Variants in ARB2A observed in about 807,000 individuals in gnomAD.
ARB2A encodes the protein cotranscriptional regulator ARB2A.
chr5:93,853,360 G>A, the ARB2A span, among the ~76,000 whole-genome samples: 3 of 152,192 alleles, frequency 2.0e-5, no homozygotes, highest in South Asian at 4.1e-4. Flanking sequence ...ATTTTGGGCT[G>A]AGACAATGGA....
the ARB2A span, chr5:93,740,663 C>G: frequency 6.2e-7 from 1 of 1,613,790 alleles, no homozygotes; most frequent in African/African-American, 1.3e-5. Context: ...TGGGGGATAT[C>G]CACTGGGAGC....
the ARB2A span, among the ~76,000 whole-genome samples, chr5:93,826,449 T>C: frequency 2.6e-5 from 4 of 152,292 alleles, no homozygotes; most frequent in African/African-American, 9.6e-5. Context: ...AAGCCAACTA[T>C]TTAATGGTCA....
chr5:93,968,343 T>C, the ARB2A span, among the ~76,000 whole-genome samples: 4 of 152,044 alleles, frequency 2.6e-5, no homozygotes, highest in Non-Finnish European at 4.4e-5. Context: ...CAGGAACAGA[T>C]GGGTAATGTA....
At chr5:93,865,597 T>A in the ARB2A span, 1 of 985,374 alleles carries the variant, frequency 1.0e-6, no homozygotes, top group South Asian at 4.7e-5. Context: ...CGGAAACAAT[T>A]AGGACACTTG....
At chr5:93,769,938 C>T in the ARB2A span, among the ~76,000 whole-genome samples, 2 of 152,060 alleles carry the variant, frequency 1.3e-5, no homozygotes, top group Admixed American at 6.5e-5. Flanking sequence ...AAGAAATGGT[C>T]AGAGGAGAGC....
At chr5:93,646,661 A>T in the ARB2A span, among the ~76,000 whole-genome samples, 1 of 152,028 alleles carries the variant, frequency 6.6e-6, no homozygotes, top group Admixed American at 6.6e-5. Flanking sequence ...TCTTCTGGTT[A>T]GACTCTCAAG....
At chr5:94,002,200 A>G in the ARB2A span, among the ~76,000 whole-genome samples, 2 of 152,066 alleles carry the variant, frequency 1.3e-5, no homozygotes, top group African/African-American at 4.8e-5. Context: ...TAACTAATTT[A>G]CCCTGAGGGT....
chr5:93,857,661 T>C, the ARB2A span, among the ~76,000 whole-genome samples: 1 of 152,078 alleles, frequency 6.6e-6, no homozygotes, highest in Non-Finnish European at 1.5e-5. Context: ...AGGGTGGGAG[T>C]GACCCGATTT....
the ARB2A span, among the ~76,000 whole-genome samples, chr5:93,756,873 T>G: frequency 1 from 152,084 of 152,210 alleles, 75,979 homozygotes; most frequent in Middle Eastern, 1. Context: ...AAACCAAGGA[T>G]AAGTCCCTGA....
At chr5:93,949,269 C>T in the ARB2A span, among the ~76,000 whole-genome samples, 19 of 152,008 alleles carry the variant, frequency 1.2e-4, no homozygotes, top group Non-Finnish European at 2.4e-4. Context: ...CTTCTCCCGG[C>T]CCACACCCGA....
chr5:93,964,590 G>T, the ARB2A span: 1 of 1,262,594 alleles, frequency 7.9e-7, no homozygotes, highest in South Asian at 1.4e-5. Context: ...CATAAATTTT[G>T]GTAAATTGTT....
the ARB2A span, among the ~76,000 whole-genome samples, chr5:93,935,011 G>A: frequency 5.0e-4 from 76 of 152,282 alleles, no homozygotes; most frequent in African/African-American, 1.7e-3. Context: ...TCACTCATAA[G>A]TGGGAGCTAA....
At chr5:93,822,279 T>C in the ARB2A span, among the ~76,000 whole-genome samples, 1 of 152,140 alleles carries the variant, frequency 6.6e-6, no homozygotes, top group Non-Finnish European at 1.5e-5. Context: ...GTGTGCTTTA[T>C]ATTAAAGTGG....
the ARB2A span, among the ~76,000 whole-genome samples, chr5:94,007,926 T>C: frequency 1.3e-5 from 2 of 152,202 alleles, no homozygotes; most frequent in Non-Finnish European, 2.9e-5. Context: ...AAATGATACC[T>C]GCACATGCAG....
chr5:94,086,275 A>T, the ARB2A span, among the ~76,000 whole-genome samples: 1 of 152,244 alleles, frequency 6.6e-6, no homozygotes, highest in African/African-American at 2.4e-5. Flanking sequence ...TAACAAAAGA[A>T]ATACAGTCAC....
chr5:93,777,871 G>GA, the ARB2A span, among the ~76,000 whole-genome samples: 1 of 152,188 alleles, frequency 6.6e-6, no homozygotes, highest in African/African-American at 2.4e-5. Flanking sequence ...CTTTTGAATA[G>GA]ATTTGTCAAG....
chr5:93,913,945 G>A, the ARB2A span, among the ~76,000 whole-genome samples: 1 of 151,888 alleles, frequency 6.6e-6, no homozygotes. Flanking sequence ...CTTGGTTTTA[G>A]AGTGTGAAAT....
the ARB2A span, among the ~76,000 whole-genome samples, chr5:93,715,704 A>G: frequency 6.6e-6 from 1 of 151,144 alleles, no homozygotes; most frequent in Non-Finnish European, 1.5e-5. Flanking sequence ...GATAATTTTG[A>G]AAGACTTGTT....
the ARB2A span, among the ~76,000 whole-genome samples, chr5:93,697,486 C>CT: frequency 6.6e-6 from 1 of 152,132 alleles, no homozygotes; most frequent in African/African-American, 2.4e-5. Flanking sequence ...GACACCAAGC[C>CT]TTTACACTTT....
Sources: allele counts gnomAD v4.1 joint callset (sites outside exome capture counted in the v4.1 genomes callset), GRCh38; gene constraint gnomAD v4.1.1; transcripts MANE v1.5; gene names NCBI Gene and HGNC (gene_info 2026-07-23, HGNC 2026-07-21).